Variants in ST6GALNAC5 observed in about 807,000 individuals in gnomAD.
ST6GALNAC5 encodes alpha-N-acetylgalactosaminide alpha-2,6-sialyltransferase 5.
In ST6GALNAC5, 27 loss-of-function variants were observed where a neutral mutation model predicts 33.6. The ratio of observed to expected loss-of-function variants is 0.80; its 90% CI spans 0.59 to 1.11. The LOEUF is 1.11. ST6GALNAC5 is among the 50% of genes least tolerant of loss of function. The pLI is 0.00. For missense variants in ST6GALNAC5, 428 were observed against 454.0 expected, an observed-to-expected ratio of 0.94 and a Z score of 0.52; for synonymous variants, 194 against 171.2, an observed-to-expected ratio of 1.13 and a Z score of -1.04.
intron 2 of ST6GALNAC5, among the ~76,000 whole-genome samples, chr1:76,948,065 A>G (rs1647593530): frequency 6.6e-6 from 1 of 152,150 alleles, no homozygotes; most frequent in Admixed American, 6.5e-5. Flanking sequence ...AGTTTATTCT[A>G]CACTCAAAGT....
chr1:76,967,805 G>T (rs1290567126), intron 2 of ST6GALNAC5, among the ~76,000 whole-genome samples: 1 of 152,184 alleles, frequency 6.6e-6, no homozygotes, highest in Non-Finnish European at 1.5e-5. Flanking sequence ...TGGTTTGAAA[G>T]AACATCTTTA....
At chr1:76,984,037 T>C (rs1245406537) in intron 2 of ST6GALNAC5, among the ~76,000 whole-genome samples, 1 of 152,206 alleles carries the variant, frequency 6.6e-6, no homozygotes, top group Non-Finnish European at 1.5e-5. Flanking sequence ...TTTATAGCAC[T>C]AACTGCCCAC....
At chr1:76,942,833 T>C (rs1246076231) in intron 2 of ST6GALNAC5, among the ~76,000 whole-genome samples, 2 of 152,090 alleles carry the variant, frequency 1.3e-5, no homozygotes, top group African/African-American at 2.4e-5. Flanking sequence ...TTAGAACAGC[T>C]CTATCCAGCT....
At chr1:76,877,319 T>C (rs1340228036) in intron 2 of ST6GALNAC5, among the ~76,000 whole-genome samples, 1 of 152,196 alleles carries the variant, frequency 6.6e-6, no homozygotes, top group African/African-American at 2.4e-5. Context: ...ATGGCCCAAG[T>C]GGCAGAGCAG....
At chr1:76,999,935 A>C (rs1317892258) in intron 2 of ST6GALNAC5, among the ~76,000 whole-genome samples, 13 of 123,474 alleles carry the variant, frequency 1.1e-4, no homozygotes, top group African/African-American at 3.3e-4. Flanking sequence ...ATTGTGAATA[A>C]TGCCGCAATA....
chr1:76,941,152 C>T (rs1647324777), intron 2 of ST6GALNAC5, among the ~76,000 whole-genome samples: 1 of 152,020 alleles, frequency 6.6e-6, no homozygotes, highest in East Asian at 1.9e-4. Context: ...GCAATGGGTT[C>T]AATGTTTTGA....
rs978113781 is a variant in ST6GALNAC5 at position 76,867,582 on chromosome 1, C to T, written c.-94C>T. The T allele has an allele frequency of 2.3e-5, 37 of 1,601,278 alleles. No homozygotes were observed. In the African/African-American group the frequency reaches 4.2e-4, roughly 18 times the overall value. On this transcript the variant is annotated 5_prime_UTR_variant, in exon 1 of 5. Transcript: ENST00000477717. ...CCGGCTGCTGGGCAAAAATCAGAGC[C>T]GCCTCCGCCCCATTACCCATCATGG...
At chr1:77,025,747 T>C (rs1651206497) in intron 2 of ST6GALNAC5, among the ~76,000 whole-genome samples, 4 of 152,018 alleles carry the variant, frequency 2.6e-5, no homozygotes, top group African/African-American at 7.2e-5. Context: ...CCTCGTCCAC[T>C]GTGCCGGGTC....
At chr1:76,980,716 T>C (rs1649214826) in intron 2 of ST6GALNAC5, among the ~76,000 whole-genome samples, 1 of 152,058 alleles carries the variant, frequency 6.6e-6, no homozygotes, top group Non-Finnish European at 1.5e-5. Flanking sequence ...ACACAAAAAT[T>C]AACTCATAAT....
At chr1:76,974,886 A>G (rs1220298480) in intron 2 of ST6GALNAC5, among the ~76,000 whole-genome samples, 1 of 141,290 alleles carries the variant, frequency 7.1e-6, no homozygotes, top group Non-Finnish European at 1.5e-5. Context: ...CCCGGGTTCA[A>G]GTTATTCTCC....
At chr1:77,021,308 G>A (rs1337994626) in intron 2 of ST6GALNAC5, among the ~76,000 whole-genome samples, 1 of 152,170 alleles carries the variant, frequency 6.6e-6, no homozygotes, top group African/African-American at 2.4e-5. Context: ...AACCAAATTG[G>A]TTGGGGGCAG....
intron 2 of ST6GALNAC5, among the ~76,000 whole-genome samples, chr1:76,915,485 T>C (rs1312966965): frequency 1.3e-5 from 2 of 152,038 alleles, no homozygotes; most frequent in East Asian, 1.9e-4. Context: ...AAATCTGGCA[T>C]ATATACACCA....
intron 2 of ST6GALNAC5, among the ~76,000 whole-genome samples, chr1:76,877,474 C>T (rs1383863471): frequency 6.6e-6 from 1 of 152,072 alleles, no homozygotes; most frequent in East Asian, 1.9e-4. Context: ...CTAAATAGGC[C>T]CAGTAGGTGT....
chr1:76,902,822 T>C (rs1005342763), intron 2 of ST6GALNAC5, among the ~76,000 whole-genome samples: 1 of 152,154 alleles, frequency 6.6e-6, no homozygotes, highest in Non-Finnish European at 1.5e-5. Flanking sequence ...AGGATGATTG[T>C]ATATCCACAT....
chr1:76,916,013 T>A (rs191259832), intron 2 of ST6GALNAC5, among the ~76,000 whole-genome samples: 1,703 of 146,994 alleles, frequency 0.012, 19 homozygotes, highest in African/African-American at 0.025. Context: ...ATCTGCATTT[T>A]AAAAAAAAAA....
chr1:76,873,236 C>T (rs906985415), intron 2 of ST6GALNAC5, among the ~76,000 whole-genome samples: 14 of 152,336 alleles, frequency 9.2e-5, no homozygotes, highest in African/African-American at 2.6e-4. Context: ...GTCATCAGGT[C>T]ACATGTCATC....
intron 2 of ST6GALNAC5, among the ~76,000 whole-genome samples, chr1:76,934,875 A>G (rs1647184310): frequency 6.6e-6 from 1 of 152,224 alleles, no homozygotes; most frequent in Admixed American, 6.5e-5. Flanking sequence ...GCAAATTTTG[A>G]GCTAATCAAT....
intron 2 of ST6GALNAC5, among the ~76,000 whole-genome samples, chr1:76,900,070 AAG>A (rs1349949243): frequency 1.3e-5 from 2 of 152,118 alleles, no homozygotes; most frequent in Non-Finnish European, 2.9e-5. Context: ...TGAGTCTGAA[AAG>A]AGAGTCAGCG....
intron 2 of ST6GALNAC5, among the ~76,000 whole-genome samples, chr1:76,974,328 C>T (rs1187682045): frequency 6.6e-6 from 1 of 151,570 alleles, no homozygotes; most frequent in Non-Finnish European, 1.5e-5. Flanking sequence ...ACCTTTGCCT[C>T]CCAAGTAACT....
Sources: gnomAD v4.1 joint callset for allele counts (sites outside exome capture counted in the v4.1 genomes callset) on GRCh38, gnomAD v4.1.1 for gene constraint, MANE v1.5 for transcripts, NCBI Gene and HGNC (gene_info 2026-07-23, HGNC 2026-07-21) for gene names.